ITGAE: variants seen among roughly 807,000 people sequenced by gnomAD.
ITGAE encodes the protein integrin subunit alpha E, also known as integrin alpha-E.
Under a neutral mutation model 136.5 loss-of-function variants are expected in ITGAE, and 99 were observed. That is an observed-to-expected ratio of 0.73 (90% CI 0.62 to 0.86). The LOEUF is 0.86. Among genes scored for constraint, ITGAE ranks in the 40% least tolerant of loss-of-function variants. The pLI is 0.00. For synonymous variants in ITGAE, 613 were observed against 591.8 expected, an observed-to-expected ratio of 1.04 and a Z score of -0.52; for missense variants, 1,447 against 1,515.3, an observed-to-expected ratio of 0.95 and a Z score of 0.75.
chr17:3,745,091 T>C (rs1226255885), intron 18 of ITGAE, among the ~76,000 whole-genome samples: 1 of 152,192 alleles, frequency 6.6e-6, no homozygotes, highest in Non-Finnish European at 1.5e-5. Flanking sequence ...GACATACTTT[T>C]TTTACCCCAT....
chr17:3,724,381 A>T, intron 26 of ITGAE: 1 of 1,608,894 alleles, frequency 6.2e-7, no homozygotes, highest in Non-Finnish European at 8.5e-7. Context: ...CTCAGCCCGG[A>T]CCTCAGCGTG....
chr17:3,774,198 G>A (rs2052489247), intron 2 of ITGAE, among the ~76,000 whole-genome samples: 2 of 152,046 alleles, frequency 1.3e-5, no homozygotes, highest in African/African-American at 4.8e-5. Flanking sequence ...TGAACCCTGG[G>A]CTCACTTGCT....
chr17:3,757,319 C>T (rs968274683), intron 9 of ITGAE, among the ~76,000 whole-genome samples, 185 bp from the exon 10 acceptor site: 2 of 152,136 alleles, frequency 1.3e-5, no homozygotes, highest in African/African-American at 4.8e-5. Context: ...TACCAAAGTA[C>T]ACCTGTTCTC....
chr17:3,746,821 G>C (rs963018145), intron 17 of ITGAE, among the ~76,000 whole-genome samples: 2 of 152,162 alleles, frequency 1.3e-5, no homozygotes, highest in Non-Finnish European at 2.9e-5. Flanking sequence ...TCGATCTCCT[G>C]ACCTCGTGAT....
At chr17:3,790,181 G>A (rs2052903987) in intron 1 of ITGAE, among the ~76,000 whole-genome samples, 1 of 152,062 alleles carries the variant, frequency 6.6e-6, no homozygotes, top group African/African-American at 2.4e-5. Flanking sequence ...CACATTCTGA[G>A]TACCAAGGCT....
chr17:3,731,334 CCT>C, intron 22 of ITGAE, 151 bp from the exon 23 acceptor site: 2 of 440,450 alleles, frequency 4.5e-6, no homozygotes, highest in Admixed American at 4.3e-5. Context: ...CCTTTCCCTT[CCT>C]TTTTTTTTTT....
chr17:3,757,209 C>CAGAT, intron 9 of ITGAE, 75 bp from the exon 10 acceptor site: 6 of 1,536,238 alleles, frequency 3.9e-6, no homozygotes, highest in Non-Finnish European at 5.3e-6. Flanking sequence ...TGAGCCCCTC[C>CAGAT]ATCTGGCCTC....
intron 29 of ITGAE, among the ~76,000 whole-genome samples, chr17:3,719,706 CACTT>C (rs1419812550): frequency 1.4e-5 from 2 of 143,984 alleles, no homozygotes; most frequent in African/African-American, 5.9e-5. Context: ...AACAATTTCT[CACTT>C]AGGTAATTCA....
At chr17:3,726,399 C>T in intron 26 of ITGAE, 2 of 1,107,222 alleles carry the variant, frequency 1.8e-6, no homozygotes, top group South Asian at 3.0e-5. Flanking sequence ...GCTGTTTCAA[C>T]CTCCATCCCC....
At chr17:3,783,046 G>A (rs756362949) in intron 1 of ITGAE, among the ~76,000 whole-genome samples, 1 of 152,192 alleles carries the variant, frequency 6.6e-6, no homozygotes, top group African/African-American at 2.4e-5. Flanking sequence ...GTCGATGAGC[G>A]CACAGCCTAT....
At chr17:3,751,011 C>A (rs1272517669) in intron 15 of ITGAE, among the ~76,000 whole-genome samples, 2 of 151,716 alleles carry the variant, frequency 1.3e-5, no homozygotes, top group East Asian at 3.9e-4. Flanking sequence ...CAGCTAGAAT[C>A]ATGAGGACGT....
chr17:3,795,903 G>C (rs2053061445), intron 1 of ITGAE, among the ~76,000 whole-genome samples: 1 of 150,572 alleles, frequency 6.6e-6, no homozygotes, highest in Admixed American at 6.6e-5. Context: ...GTGTGCATCT[G>C]TGTATGCGCA....
At chr17:3,726,438 G>C in intron 26 of ITGAE, 1 of 725,234 alleles carries the variant, frequency 1.4e-6, no homozygotes. Flanking sequence ...CATTCTCACA[G>C]GTTTCCAGTC....
At chr17:3,754,827 ACCCTCCTCACGTAACTTCCAGGCCCCG>A (rs1327757204) in intron 12 of ITGAE, 6 of 142,044 alleles carry the variant, frequency 4.2e-5, no homozygotes. Context: ...TCCAGGCCCC[ACCCTCCTCACGTAACTTCCAGGCCCCG>A]CCCTCTCCCA....
At chr17:3,739,399 G>C (rs944363008) in intron 20 of ITGAE, among the ~76,000 whole-genome samples, 16 of 152,246 alleles carry the variant, frequency 1.1e-4, no homozygotes, top group African/African-American at 3.4e-4. Context: ...GCACAAAGTA[G>C]ATGGTCCAGA....
chr17:3,721,176 ACC>A (rs1469888238), intron 28 of ITGAE, among the ~76,000 whole-genome samples: 2 of 136,020 alleles, frequency 1.5e-5, no homozygotes, highest in Non-Finnish European at 3.1e-5. Flanking sequence ...CAATCCACCC[ACC>A]TTAGCCTCCC....
chr17:3,801,066 C>G lies in ITGAE; in HGVS notation c.34+45G>C, dbSNP rs1597383436. ...GTAGTCTGCAGACACCTGGCTGGAG[C>G]TGAGGGCACAGCAGCCCCTCGAAGC... is the stretch of plus-strand genomic sequence containing the variant. On this transcript the variant is annotated intron_variant, in intron 1 of 30. Transcript: ENST00000263087. 3 of 1,608,030 alleles carry G rather than the reference C, an allele frequency of 1.9e-6. No individual in the cohort carries two copies. The East Asian group carries it at 6.7e-5, about 36-fold the overall frequency.
At chr17:3,724,304 G>A (rs1301268910) in intron 26 of ITGAE, 2 of 1,587,160 alleles carry the variant, frequency 1.3e-6, no homozygotes, top group Non-Finnish European at 1.7e-6. Context: ...CTCGGCCCCC[G>A]CAGAAGTGCA....
intron 6 of ITGAE, 107 bp from the exon 7 acceptor site, chr17:3,760,394 T>C (rs552186944): frequency 5.1e-5 from 20 of 393,720 alleles, no homozygotes; most frequent in African/African-American, 4.3e-4. Flanking sequence ...CCAGCTCAGT[T>C]CAGGGAAGAA....
Sources: gnomAD v4.1 joint callset for allele counts (sites outside exome capture counted in the v4.1 genomes callset) on GRCh38, gnomAD v4.1.1 for gene constraint, MANE v1.5 for transcripts, NCBI Gene and HGNC (gene_info 2026-07-23, HGNC 2026-07-21) for gene names.